PCDHA7: variants seen among roughly 807,000 people sequenced by gnomAD.
PCDHA7 encodes the protein protocadherin alpha-7.
Under a neutral mutation model 57.2 loss-of-function variants are expected in PCDHA7, and 37 were observed. The observed-to-expected ratio is 0.65, with a 90% CI of 0.50 to 0.85. PCDHA7 has a LOEUF of 0.85. Among genes scored for constraint, PCDHA7 ranks in the 40% least tolerant of loss-of-function variants. PCDHA7 has a pLI of 0.00. For synonymous variants in PCDHA7, 553 were observed against 558.8 expected (o/e 0.99, Z 0.15); for missense variants, 1,188 against 1,241.8 (o/e 0.96, Z 0.65).
intron 1 of PCDHA7, among the ~76,000 whole-genome samples, chr5:140,975,124 C>T (rs560299893): frequency 6.6e-6 from 1 of 152,268 alleles, no homozygotes; most frequent in African/African-American, 2.4e-5. Flanking sequence ...TTCCTACTTA[C>T]TATTGGCCTG....
intron 3 of PCDHA7, among the ~76,000 whole-genome samples, chr5:140,986,555 T>A (rs1554248143): frequency 6.6e-6 from 1 of 152,214 alleles, no homozygotes; most frequent in African/African-American, 2.4e-5. Context: ...GCCAGGCTGC[T>A]TTGTTATCTG....
At chr5:140,851,766 T>A in intron 1 of PCDHA7, 2 of 968,988 alleles carry the variant, frequency 2.1e-6, no homozygotes, top group South Asian at 4.8e-5. Context: ...AACATTACCC[T>A]TATGAATTTA....
intron 1 of PCDHA7, chr5:140,863,482 A>C (rs2048042905): frequency 4.3e-6 from 2 of 466,950 alleles, no homozygotes; most frequent in East Asian, 1.2e-4. Context: ...TCGCCTCCCA[A>C]GGTCAACATT....
intron 1 of PCDHA7, among the ~76,000 whole-genome samples, chr5:140,945,169 AAAAT>A (rs1302154201): frequency 2.0e-5 from 3 of 152,164 alleles, no homozygotes; most frequent in Non-Finnish European, 4.4e-5. Context: ...AACTATCTGA[AAAAT>A]AAATCAAGAA....
chr5:140,856,427 G>A lies in PCDHA7; in HGVS notation c.2355+19689G>A, dbSNP rs782109045. ...GGACGTGGAAGTGAAGGACATTAAC[G>A]ACAACCCGCCCAGGTTCTCCGTAAC... On this transcript the variant is annotated intron_variant, in intron 1 of 3. Coordinates refer to ENST00000525929, the MANE Select transcript of PCDHA7 (RefSeq NM_018910.3). The A allele has an allele frequency of 9.4e-6, 15 of 1,598,250 alleles. 1 individual carries two copies. Among genetic ancestry groups the A allele is most frequent in the Non-Finnish European group, 1.3e-5 (15 of 1,167,914 alleles).
chr5:140,925,069 C>T (rs1240618705), intron 1 of PCDHA7, among the ~76,000 whole-genome samples: 1 of 149,418 alleles, frequency 6.7e-6, no homozygotes, highest in Non-Finnish European at 1.5e-5. Context: ...AACAAAGCAA[C>T]ACGCTCATCT....
intron 1 of PCDHA7, among the ~76,000 whole-genome samples, chr5:140,886,192 G>A (rs2060891690): frequency 6.6e-6 from 1 of 152,118 alleles, no homozygotes; most frequent in Non-Finnish European, 1.5e-5. Context: ...CTGGCAAGCA[G>A]TAATCTGTTC....
At chr5:140,853,674 G>A (rs1554146796) in intron 1 of PCDHA7, 1 of 988,402 alleles carries the variant, frequency 1.0e-6, no homozygotes, top group East Asian at 1.1e-4. Flanking sequence ...GGGGCCTATG[G>A]TCAACCTATC....
intron 1 of PCDHA7, among the ~76,000 whole-genome samples, chr5:140,920,752 G>A (rs2079807244): frequency 6.6e-6 from 1 of 151,768 alleles, no homozygotes; most frequent in African/African-American, 2.4e-5. Context: ...GCTGAGGCAG[G>A]AGAATTGCTT....
intron 1 of PCDHA7, among the ~76,000 whole-genome samples, chr5:140,874,462 A>G (rs1471984599): frequency 7.2e-5 from 11 of 152,228 alleles, no homozygotes; most frequent in African/African-American, 2.7e-4. Flanking sequence ...CTGTAGGGGA[A>G]GATTTAGAGA....
rs2150373759 is a variant in PCDHA7 at position 140,844,778 on chromosome 5, T to C, written c.2355+8040T>C. On this transcript the variant is annotated intron_variant, in intron 1 of 3. Coordinates refer to ENST00000525929, the MANE Select transcript of PCDHA7 (RefSeq NM_018910.3). ...TTTGAAAAATCCAAGATACTTTATT[T>C]TGGTATCTTTCAACATTTTCTTTCT... Among the ~76,000 whole-genome samples the C allele has an allele frequency of 4.0e-5, 6 of 149,392 alleles. 1 individual carries two copies. Among genetic ancestry groups the C allele is most frequent in the African/African-American group, 1.5e-4 (6 of 40,816 alleles).
At chr5:140,917,699 A>G (rs980073163) in intron 1 of PCDHA7, among the ~76,000 whole-genome samples, 1 of 152,058 alleles carries the variant, frequency 6.6e-6, no homozygotes, top group Non-Finnish European at 1.5e-5. Flanking sequence ...AGATCAGATA[A>G]TTGTAGGTGT....
At position 140,849,588 on chromosome 5, in the gene PCDHA7, C is replaced by G. The variant is rs2150441639; in HGVS notation, c.2355+12850C>G. ...GGTTCCTGTAAAAGAGGACGCACAA[C>G]TGGGGACAGTTATTGCCCTGATTAG... On this transcript the variant is annotated intron_variant, in intron 1 of 3. Coordinates refer to ENST00000525929, the MANE Select transcript of PCDHA7 (RefSeq NM_018910.3). 8 of 1,598,790 alleles carry G rather than the reference C, an allele frequency of 5.0e-6. 1 individual carries two copies. Among genetic ancestry groups the G allele is most frequent in the East Asian group, 4.5e-5 (2 of 44,856 alleles).
At chr5:141,006,813 T>C (rs1171771789) in intron 3 of PCDHA7, among the ~76,000 whole-genome samples, 1 of 152,018 alleles carries the variant, frequency 6.6e-6, no homozygotes, top group African/African-American at 2.4e-5. Flanking sequence ...GCTTGAGAAA[T>C]GGGGTAAATG....
Position 140,853,795 on chromosome 5 carries a change from T to C in PCDHA7, c.2355+17057T>C. On this transcript the variant is annotated intron_variant, in intron 1 of 3. Coordinates refer to ENST00000525929, the MANE Select transcript of PCDHA7 (RefSeq NM_018910.3). ...AATGGGTAGTAAGAGCAAATTTTCA[T>C]TTTAAAGCACACCTGAGATGATTCT... is the stretch of plus-strand genomic sequence containing the variant. 3 of 987,582 alleles carry C rather than the reference T, an allele frequency of 3.0e-6. 1 individual carries two copies. The highest frequency in any genetic ancestry group is 3.7e-6 in the Non-Finnish European group (3 of 819,504). The allele number at this position is 987,582 out of a possible 1,614,324, so 61.2% of individuals were successfully genotyped here.
In PCDHA7 at chr5:140,849,850, C is replaced by A. The variant is rs17844329; in HGVS notation, c.2355+13112C>A. ...GAGGTGGCCGACGTGAACGACAACG[C>A]ACCAGCGTTCGCGCAGTCCGAGTAC... On this transcript the variant is annotated intron_variant, in intron 1 of 3. Transcript: ENST00000525929. The A allele has an allele frequency of 2.5e-4, 392 of 1,598,618 alleles. 6 individuals carry two copies. The East Asian group carries it at 8.6e-3, about 35-fold the overall frequency.
chr5:141,002,080 C>A (rs1220737696), intron 3 of PCDHA7, among the ~76,000 whole-genome samples: 1 of 152,236 alleles, frequency 6.6e-6, no homozygotes, highest in Non-Finnish European at 1.5e-5. Context: ...CGCCAAAGAA[C>A]GAGCAGTCCA....
At chr5:140,925,190 A>G (rs2082378036) in intron 1 of PCDHA7, among the ~76,000 whole-genome samples, 1 of 152,192 alleles carries the variant, frequency 6.6e-6, no homozygotes, top group Non-Finnish European at 1.5e-5. Context: ...ACCATCACCC[A>G]GCTTCAATAA....
Position 140,838,073 on chromosome 5 carries a change from ATATAGTGTGTGTGTGTGT to A in PCDHA7, c.2355+1336_2355+1353del, listed in dbSNP as rs1181120432. 3.1e-4 allele frequency among the ~76,000 whole-genome samples: 39 copies of A among 126,834 alleles called. 1 individual carries two copies. The highest frequency in any genetic ancestry group is 1.5e-3 in the Admixed American group (18 of 11,662). 83.2% of individuals were successfully genotyped at this position (126,834 alleles called of 152,430 possible). A position where few individuals can be genotyped will look rare whatever the true frequency, so the allele number is the denominator to read the frequency against. ...TGGTTTTCCACTTTAAGTTATATAT[ATATAGTGTGTGTGTGTGT>A]GTGTGTGTGTGTGTGTGTGTGTGTG... On this transcript the variant is annotated intron_variant, in intron 1 of 3. Coordinates refer to ENST00000525929, the MANE Select transcript of PCDHA7 (RefSeq NM_018910.3).
Sources: allele counts gnomAD v4.1 joint callset (sites outside exome capture counted in the v4.1 genomes callset), GRCh38; gene constraint gnomAD v4.1.1; transcripts MANE v1.5; gene names NCBI Gene and HGNC (gene_info 2026-07-23, HGNC 2026-07-21).